SH3BP5: variants seen among roughly 807,000 people sequenced by gnomAD.
The protein encoded by SH3BP5 is SH3 domain-binding protein 5.
SH3BP5 carries 22 observed loss-of-function variants against 43.3 expected under a neutral mutation model. The ratio of observed to expected loss-of-function variants is 0.51; its 90% CI spans 0.36 to 0.73. SH3BP5 has a LOEUF of 0.73. Among genes scored for constraint, SH3BP5 ranks in the 30% least tolerant of loss-of-function variants. The probability of loss-of-function intolerance (pLI) is 0.00; values close to 1 mark genes in which losing one functional copy is unlikely to be tolerated. For missense variants in SH3BP5, 529 were observed against 586.9 expected, an observed-to-expected ratio of 0.90 and a Z score of 1.02; for synonymous variants, 255 against 225.8, an observed-to-expected ratio of 1.13 and a Z score of -1.16.
intron 2 of SH3BP5, among the ~76,000 whole-genome samples, chr3:15,317,555 T>C (rs763675487): frequency 5.3e-5 from 8 of 152,196 alleles, no homozygotes; most frequent in Non-Finnish European, 8.8e-5. Context: ...GGTAGAGGAC[T>C]TTCATTTTTC....
At chr3:15,264,016 T>A (rs546579076) in intron 4 of SH3BP5, among the ~76,000 whole-genome samples, 2 of 152,176 alleles carry the variant, frequency 1.3e-5, no homozygotes, top group African/African-American at 4.8e-5. Context: ...AGTTCACAGT[T>A]AAAAAAGAAG....
chr3:15,269,925 C>T (rs1430489302), intron 3 of SH3BP5, 48 bp from the exon 4 acceptor site: 1 of 1,436,378 alleles, frequency 7.0e-7, no homozygotes, highest in East Asian at 2.4e-5. Context: ...GGCAGGGGCT[C>T]CCCATGGTCC....
chr3:15,294,371 A>C (rs1697510260), intron 3 of SH3BP5, among the ~76,000 whole-genome samples: 1 of 151,508 alleles, frequency 6.6e-6, no homozygotes, highest in Non-Finnish European at 1.5e-5. Flanking sequence ...TGCATGTAAA[A>C]CACTTAGAAA....
At chr3:15,263,258 C>T (rs1696518740) in intron 4 of SH3BP5, among the ~76,000 whole-genome samples, 1 of 152,168 alleles carries the variant, frequency 6.6e-6, no homozygotes, top group South Asian at 2.1e-4. Flanking sequence ...CACCTTGGGG[C>T]AGGGGCCTGA....
intron 1 of SH3BP5, among the ~76,000 whole-genome samples, chr3:15,338,391 C>T (rs1698726993): frequency 6.6e-6 from 1 of 152,192 alleles, no homozygotes; most frequent in Admixed American, 6.5e-5. Flanking sequence ...TACCTGTTAA[C>T]TCCTAGAACA....
intron 4 of SH3BP5, chr3:15,264,279 T>TG (rs1491097343): frequency 1.3e-5 from 1 of 79,946 alleles, no homozygotes; most frequent in African/African-American, 1.6e-4. Context: ...ATACAAATGG[T>TG]TTTTTTTTTT....
At chr3:15,266,234 A>C (rs906956061) in intron 4 of SH3BP5, among the ~76,000 whole-genome samples, 2 of 152,222 alleles carry the variant, frequency 1.3e-5, no homozygotes, top group African/African-American at 2.4e-5. Context: ...AGACCTAAGA[A>C]GGCGCTTCTT....
intron 3 of SH3BP5, among the ~76,000 whole-genome samples, chr3:15,295,482 T>C (rs2125100071): frequency 6.6e-6 from 1 of 152,316 alleles, no homozygotes; most frequent in Admixed American, 6.5e-5. Flanking sequence ...TTGTTGATGA[T>C]TTTTCTCTAT....
At chr3:15,330,754 C>A (rs750845565) in intron 1 of SH3BP5, 188 bp from the exon 2 acceptor site, 1 of 985,184 alleles carries the variant, frequency 1.0e-6, no homozygotes, top group African/African-American at 1.7e-5. Flanking sequence ...ATTTCTGAAA[C>A]CATTTTCTTG....
chr3:15,259,539 T>C (rs1696353533), intron 6 of SH3BP5: 1 of 624,200 alleles, frequency 1.6e-6, no homozygotes, highest in Admixed American at 2.7e-5. Flanking sequence ...TGAGAACCAC[T>C]GGCCTAGTAC....
upstream of SH3BP5, among the ~76,000 whole-genome samples, chr3:15,335,412 T>C (rs1392856282): frequency 1.3e-5 from 2 of 151,746 alleles, no homozygotes; most frequent in African/African-American, 2.4e-5. Flanking sequence ...TCATCTCTAA[T>C]AAAAATTGTT....
chr3:15,331,601 G>A (rs1698610734), intron 1 of SH3BP5, among the ~76,000 whole-genome samples: 1 of 152,212 alleles, frequency 6.6e-6, no homozygotes, highest in African/African-American at 2.4e-5. Flanking sequence ...TCCCCTCGCC[G>A]CCTCCACGCG....
At position 15,301,603 on chromosome 3, in the gene SH3BP5, C is replaced by T. The variant is rs184652239; in HGVS notation, c.330+2500G>A. Among the ~76,000 whole-genome samples, 7 of 152,132 alleles carry T rather than the reference C, an allele frequency of 4.6e-5. No homozygotes were observed. In the East Asian group the frequency reaches 1.4e-3, roughly 29 times the overall value. ...GGGAGTTAACCATTTTAAATGTTAG[C>T]CTGAGAAGGCCTCATGGATAAAGGG... On this transcript the variant is annotated intron_variant, in intron 3 of 8. Coordinates refer to ENST00000383791, the MANE Select transcript of SH3BP5 (RefSeq NM_004844.5).
chr3:15,317,029 A>G (rs956698772), intron 2 of SH3BP5, among the ~76,000 whole-genome samples: 1 of 152,210 alleles, frequency 6.6e-6, no homozygotes, highest in African/African-American at 2.4e-5. Flanking sequence ...TTCAACCACA[A>G]AAGCACTATT....
chr3:15,254,421 AAAAG>A lies in SH3BP5; in HGVS notation c.*1661_*1664del, dbSNP rs373339118. 6.6e-6 allele frequency: 1 copy of A among 152,358 alleles called. No individual in the cohort carries two copies. Among genetic ancestry groups the A allele is most frequent in the African/African-American group, 2.4e-5 (1 of 41,592 alleles). The allele number at this position is 152,358 out of a possible 1,614,324, so 9.4% of individuals were successfully genotyped here. A position where few individuals can be genotyped will look rare whatever the true frequency, so the allele number is the denominator to read the frequency against. ...GTCCAATATTATAAAACATTTCCAC[AAAAG>A]AAAGAATCCATCTGATTCTCAACTC... On this transcript the variant is annotated 3_prime_UTR_variant, in exon 9 of 9. Transcript: ENST00000383791.
upstream of SH3BP5, among the ~76,000 whole-genome samples, chr3:15,336,958 C>T (rs1559465256): frequency 6.6e-6 from 1 of 152,136 alleles, no homozygotes; most frequent in South Asian, 2.1e-4. Context: ...TTGGCATAAT[C>T]CCAACCCTGG....
At chr3:15,280,668 G>A (rs1263570112) in intron 3 of SH3BP5, among the ~76,000 whole-genome samples, 2 of 152,004 alleles carry the variant, frequency 1.3e-5, no homozygotes, top group South Asian at 2.1e-4. Context: ...AAACACACAC[G>A]CAACATGCCC....
At chr3:15,305,403 T>TG (rs955814303) in intron 2 of SH3BP5, among the ~76,000 whole-genome samples, 1 of 152,238 alleles carries the variant, frequency 6.6e-6, no homozygotes, top group African/African-American at 2.4e-5. Flanking sequence ...CCAGACCTGG[T>TG]GCTGGGCCTT....
intron 2 of SH3BP5, among the ~76,000 whole-genome samples, chr3:15,308,190 T>A (rs1208570399): frequency 6.6e-6 from 1 of 152,184 alleles, no homozygotes; most frequent in African/African-American, 2.4e-5. Context: ...TCTGGGGCAC[T>A]GGTGAATACA....
Sources: allele counts gnomAD v4.1 joint callset (sites outside exome capture counted in the v4.1 genomes callset), GRCh38; gene constraint gnomAD v4.1.1; transcripts MANE v1.5; gene names NCBI Gene and HGNC (gene_info 2026-07-23, HGNC 2026-07-21).